Variants in EPHA3 observed in about 807,000 individuals in gnomAD.
EPHA3 encodes ephrin type-A receptor 3.
Under a neutral mutation model 107.1 loss-of-function variants are expected in EPHA3, and 42 were observed. The observed-to-expected ratio is 0.39, with a 90% CI of 0.31 to 0.51. The LOEUF (loss-of-function observed/expected upper bound fraction) is 0.51, where lower values mean the gene tolerates loss of function less well. Ranked by LOEUF, EPHA3 falls within the 20% of genes least tolerant of loss-of-function variation. EPHA3 has a pLI of 0.78. For missense variants in EPHA3, 1,183 were observed against 1,211.2 expected, an observed-to-expected ratio of 0.98 and a Z score of 0.35; for synonymous variants, 461 against 424.8, an observed-to-expected ratio of 1.09 and a Z score of -1.05.
chr3:89,129,386 T>G (rs1443867039), intron 2 of EPHA3, among the ~76,000 whole-genome samples: 1 of 152,080 alleles, frequency 6.6e-6, no homozygotes, highest in Non-Finnish European at 1.5e-5. Flanking sequence ...AAGCTTATCA[T>G]TATTATTTGC....
At position 89,269,916 on chromosome 3, in the gene EPHA3, C is replaced by A. The variant is rs144924010; in HGVS notation, c.814+59396C>A. ...TAGTTCAGAAGATAGAGTCTAAATT[C>A]TCTGCCTTTGACTCACAAGATTTTC... On this transcript the variant is annotated intron_variant, in intron 3 of 16. Transcript: ENST00000336596. Among the ~76,000 whole-genome samples the A allele has an allele frequency of 4.6e-3, 704 of 151,916 alleles. 6 individuals carry two copies. Among genetic ancestry groups the A allele is most frequent in the African/African-American group, 0.016 (661 of 41,466 alleles).
intron 10 of EPHA3, among the ~76,000 whole-genome samples, chr3:89,413,632 G>A (rs867011340): frequency 1.6e-4 from 24 of 151,562 alleles, no homozygotes; most frequent in African/African-American, 5.8e-4. Flanking sequence ...TTCAATTTTA[G>A]AATCATGTTT....
intron 3 of EPHA3, among the ~76,000 whole-genome samples, chr3:89,275,928 AT>A (rs1559628813): frequency 1.3e-5 from 2 of 152,024 alleles, no homozygotes; most frequent in Non-Finnish European, 2.9e-5. Flanking sequence ...TATAAACCAT[AT>A]TTTTCATAAC....
chr3:89,251,201 A>T (rs1303521177), intron 3 of EPHA3, among the ~76,000 whole-genome samples: 1 of 152,090 alleles, frequency 6.6e-6, no homozygotes, highest in East Asian at 1.9e-4. Context: ...TTGTTTTTTT[A>T]AAATCAGAAT....
At chr3:89,134,681 C>A (rs1370589793) in intron 2 of EPHA3, among the ~76,000 whole-genome samples, 1 of 152,074 alleles carries the variant, frequency 6.6e-6, no homozygotes, top group East Asian at 1.9e-4. Context: ...CTTTCAATGG[C>A]CGGTCACTAT....
chr3:89,313,372 C>T (rs958871229), intron 3 of EPHA3, among the ~76,000 whole-genome samples: 3 of 151,856 alleles, frequency 2.0e-5, no homozygotes, highest in Non-Finnish European at 4.4e-5. Flanking sequence ...TTGCCATTTG[C>T]TATTTGTTTT....
At chr3:89,202,061 G>A (rs374844799) in intron 2 of EPHA3, among the ~76,000 whole-genome samples, 1 of 151,878 alleles carries the variant, frequency 6.6e-6, no homozygotes, top group South Asian at 2.1e-4. Flanking sequence ...TTTCATTTCC[G>A]TATCCTTTTC....
intron 3 of EPHA3, among the ~76,000 whole-genome samples, chr3:89,292,820 A>G (rs1053434532): frequency 6.6e-6 from 1 of 152,140 alleles, no homozygotes; most frequent in Non-Finnish European, 1.5e-5. Context: ...ATTTATGCAC[A>G]AGGCCTTATT....
intron 5 of EPHA3, among the ~76,000 whole-genome samples, chr3:89,393,225 C>T (rs764239865): frequency 6.6e-6 from 1 of 152,108 alleles, no homozygotes; most frequent in Non-Finnish European, 1.5e-5. Context: ...CAAGCAATTG[C>T]CTCTACTTAA....
intron 5 of EPHA3, among the ~76,000 whole-genome samples, chr3:89,366,027 C>A (rs1708178673): frequency 6.6e-6 from 1 of 150,506 alleles, no homozygotes; most frequent in Admixed American, 6.7e-5. Context: ...GGAAAACAAA[C>A]CAGTTGACAC....
chr3:89,304,435 T>C (rs1706563254), intron 3 of EPHA3, among the ~76,000 whole-genome samples: 1 of 152,010 alleles, frequency 6.6e-6, no homozygotes, highest in Non-Finnish European at 1.5e-5. Context: ...ATTTGACTTT[T>C]GAGACTCGTT....
In EPHA3 at chr3:89,419,371, G is replaced by GAAAGTTGGCTACACA. The variant is rs1709312337; in HGVS notation, c.2055_2056insAAAGTTGGCTACACA (p.Leu685_Glu686insLysValGlyTyrThr). On this transcript the variant is annotated inframe_insertion, in exon 11 of 17. Coordinates refer to ENST00000336596, the MANE Select transcript of EPHA3 (RefSeq NM_005233.6). The stretch of plus-strand genomic sequence containing the variant: ...TTGACCACCCCAATATCATTCGACT[G>GAAAGTTGGCTACACA]GAAGGAGTTGTTACCAAAAGTAAGT... 1 of 1,591,722 alleles carries GAAAGTTGGCTACACA rather than the reference G, an allele frequency of 6.3e-7. No homozygotes were observed. The highest frequency in any genetic ancestry group is 8.5e-7 in the Non-Finnish European group (1 of 1,170,230).
chr3:89,271,746 A>G (rs1705673959), intron 3 of EPHA3, among the ~76,000 whole-genome samples: 1 of 152,044 alleles, frequency 6.6e-6, no homozygotes, highest in South Asian at 2.1e-4. Flanking sequence ...AAAGAAAAAT[A>G]CCAGGAAGAA....
chr3:89,279,534 T>C (rs1705891154), intron 3 of EPHA3, among the ~76,000 whole-genome samples: 1 of 152,168 alleles, frequency 6.6e-6, no homozygotes, highest in Admixed American at 6.6e-5. Flanking sequence ...CTAAAAGTTA[T>C]AAGAAATTAC....
intron 2 of EPHA3, among the ~76,000 whole-genome samples, chr3:89,139,486 C>T (rs1010098584): frequency 6.6e-6 from 1 of 151,698 alleles, no homozygotes; most frequent in African/African-American, 2.4e-5. Context: ...ATTTGCCTAT[C>T]CTGAGTGCTG....
chr3:89,444,380 ATTT>A (rs11353317), intron 13 of EPHA3, among the ~76,000 whole-genome samples: 2 of 151,020 alleles, frequency 1.3e-5, no homozygotes, highest in African/African-American at 4.9e-5. Flanking sequence ...CTGTAGTTTG[ATTT>A]TTTTTTTTAC....
intron 3 of EPHA3, among the ~76,000 whole-genome samples, chr3:89,311,031 T>A (rs1481327997): frequency 1.3e-5 from 2 of 151,984 alleles, no homozygotes; most frequent in Non-Finnish European, 2.9e-5. Context: ...ATAGTGTTCA[T>A]AGTGGTACTG....
intron 6 of EPHA3, among the ~76,000 whole-genome samples, chr3:89,399,026 A>G (rs919285488): frequency 1.3e-5 from 2 of 151,978 alleles, no homozygotes; most frequent in African/African-American, 4.8e-5. Flanking sequence ...GCTACTCAGG[A>G]GGCTGAGGCA....
chr3:89,154,629 A>G lies in EPHA3; in HGVS notation c.153+27356A>G, dbSNP rs947728363. Among the ~76,000 whole-genome samples the G allele has an allele frequency of 4.0e-5, 6 of 151,602 alleles. No individual in the cohort carries two copies. In the Admixed American group the frequency reaches 4.0e-4, roughly 10 times the overall value. On this transcript the variant is annotated intron_variant, in intron 2 of 16. Transcript: ENST00000336596. ...TATATAAATCATGTGAAAAATTTCA[A>G]TCATTTGGCAGCCATTTTGTAAACA... is the stretch of plus-strand genomic sequence containing the variant.
Sources: allele counts gnomAD v4.1 joint callset (sites outside exome capture counted in the v4.1 genomes callset), GRCh38; gene constraint gnomAD v4.1.1; transcripts MANE v1.5; gene names NCBI Gene and HGNC (gene_info 2026-07-23, HGNC 2026-07-21).